The following SENP7 variants were observed in gnomAD, a reference collection of about 807,000 sequenced individuals.
SENP7 encodes SUMO specific peptidase 7, also known as sentrin-specific protease 7.
In SENP7, 64 loss-of-function variants were observed where a neutral mutation model predicts 141.2. The observed-to-expected ratio is 0.45, with a 90% CI of 0.37 to 0.56. The LOEUF (loss-of-function observed/expected upper bound fraction) is 0.56. SENP7 is among the 20% of genes least tolerant of loss of function. The probability of loss-of-function intolerance (pLI) is 0.00; values close to 1 mark genes in which losing one functional copy is unlikely to be tolerated. For missense variants in SENP7, 1,025 were observed against 1,212.2 expected (o/e 0.85, Z 2.29); for synonymous variants, 382 against 426.4 (o/e 0.90, Z 1.28).
At position 101,332,755 on chromosome 3, in the gene SENP7, A is replaced by C; in HGVS notation, c.2573+15T>G. On this transcript the variant is annotated intron_variant, in intron 18 of 23. Transcript: ENST00000394095. Reference sequence around the variant, plus strand: ...ATTCTTTCCAATATGTTCTTAAATAATCTGAAATACTTACGACTCATTTAC... The same window carrying C: ...ATTCTTTCCAATATGTTCTTAAATACTCTGAAATACTTACGACTCATTTAC... The C allele has an allele frequency of 6.9e-7, 1 of 1,456,826 alleles. No individual in the cohort carries two copies. Among genetic ancestry groups the C allele is most frequent in the Non-Finnish European group, 9.1e-7 (1 of 1,103,414 alleles). The allele number at this position is 1,456,826 out of a possible 1,614,324, so 90.2% of individuals were successfully genotyped here. A position where few individuals can be genotyped will look rare whatever the true frequency, so the allele number is the denominator to read the frequency against.
chr3:101,399,391 C>T (rs2061066399), intron 5 of SENP7, among the ~76,000 whole-genome samples: 1 of 152,204 alleles, frequency 6.6e-6, no homozygotes, highest in African/African-American at 2.4e-5. Flanking sequence ...ATTAAAAACA[C>T]AGCTTACTAC....
chr3:101,380,187 T>A (rs566220890), intron 6 of SENP7, among the ~76,000 whole-genome samples: 1 of 152,006 alleles, frequency 6.6e-6, no homozygotes, highest in East Asian at 1.9e-4. Flanking sequence ...GAATGAGGAG[T>A]TCCTGTTTCA....
chr3:101,406,898 G>A (rs1459168774), intron 5 of SENP7, among the ~76,000 whole-genome samples: 1 of 152,164 alleles, frequency 6.6e-6, no homozygotes, highest in African/African-American at 2.4e-5. Context: ...AAGCTAGAAG[G>A]GACTGGAGCC....
At chr3:101,353,447 T>G (rs992665313) in intron 11 of SENP7, among the ~76,000 whole-genome samples, 6 of 151,972 alleles carry the variant, frequency 3.9e-5, no homozygotes, top group Non-Finnish European at 7.4e-5. Flanking sequence ...TTTATCCCTC[T>G]GAATAATGAC....
At chr3:101,429,596 C>T (rs1330854566) in intron 4 of SENP7, among the ~76,000 whole-genome samples, 6 of 152,144 alleles carry the variant, frequency 3.9e-5, no homozygotes, top group Admixed American at 6.5e-5. Flanking sequence ...TGGGCTGAGA[C>T]GATGGGGTTT....
chr3:101,463,380 T>TATATATATATATATACAC (rs1553744720), intron 3 of SENP7, among the ~76,000 whole-genome samples: 92 of 72,110 alleles, frequency 1.3e-3, no homozygotes, highest in Non-Finnish European at 1.5e-3. Flanking sequence ...TATATATATA[T>TATATATATATATATACAC]ATATATATAT....
At chr3:101,343,021 A>T (rs2059367458) in intron 14 of SENP7, among the ~76,000 whole-genome samples, 1 of 152,014 alleles carries the variant, frequency 6.6e-6, no homozygotes, top group Non-Finnish European at 1.5e-5. Flanking sequence ...GACTTGTCTC[A>T]TTTTTCTCAT....
At chr3:101,492,472 T>C (rs1220472874) in intron 3 of SENP7, among the ~76,000 whole-genome samples, 1 of 152,192 alleles carries the variant, frequency 6.6e-6, no homozygotes, top group Non-Finnish European at 1.5e-5. Context: ...AAATAAATGC[T>C]ACAGTTATGG....
intron 22 of SENP7, 63 bp downstream of exon 22, chr3:101,328,415 G>T: frequency 8.8e-7 from 1 of 1,134,524 alleles, no homozygotes; most frequent in Non-Finnish European, 1.3e-6. Context: ...AATTCTGAAG[G>T]TAACTTCAAA....
At chr3:101,451,867 A>G (rs1435226076) in intron 4 of SENP7, among the ~76,000 whole-genome samples, 1 of 152,180 alleles carries the variant, frequency 6.6e-6, no homozygotes, top group African/African-American at 2.4e-5. Flanking sequence ...GGCCAGGGCA[A>G]TCAGGCAAGA....
At chr3:101,363,454 C>T (rs567604989) in intron 10 of SENP7, among the ~76,000 whole-genome samples, 35 of 150,840 alleles carry the variant, frequency 2.3e-4, no homozygotes, top group Middle Eastern at 3.4e-3. Flanking sequence ...TGTAGATCTC[C>T]ACAGTATTGG....
At position 101,343,761 on chromosome 3, in the gene SENP7, A is replaced by G; in HGVS notation, c.2031T>C (p.Tyr677=). 6.2e-7 allele frequency: 1 copy of G among 1,613,940 alleles called. No individual in the cohort carries two copies. The highest frequency in any genetic ancestry group is 1.1e-5 in the South Asian group (1 of 91,076). ...GGAAAGAACAAGTTGAAACACAGTA[A>G]TAATGAATAAAAGAACTTTCTTTTG... ...LSSKESSFIH[Y]YCVSTCSFPA... Residue 677 remains tyrosine (Y), a synonymous_variant, in exon 14 of 24, where the codon TAT becomes TAC. Coordinates refer to ENST00000394095, the MANE Select transcript of SENP7 (RefSeq NM_020654.5).
At chr3:101,479,347 G>A (rs1214340319) in intron 3 of SENP7, among the ~76,000 whole-genome samples, 1 of 152,152 alleles carries the variant, frequency 6.6e-6, no homozygotes, top group African/African-American at 2.4e-5. Context: ...GGGTGCAGTG[G>A]CTCACGCCTG....
intron 17 of SENP7, 194 bp from the exon 18 acceptor site, chr3:101,333,056 A>G: frequency 1.9e-6 from 1 of 539,686 alleles, no homozygotes; most frequent in Non-Finnish European, 3.0e-6. Context: ...ATAACTATAA[A>G]CAATAATGAA....
chr3:101,438,573 G>A (rs529334395), intron 4 of SENP7, among the ~76,000 whole-genome samples: 4 of 152,198 alleles, frequency 2.6e-5, no homozygotes, highest in South Asian at 2.1e-4. Context: ...TAAAATTTAT[G>A]TTAAGTGTAT....
chr3:101,446,316 T>G (rs1204431596), intron 4 of SENP7, among the ~76,000 whole-genome samples: 1 of 152,186 alleles, frequency 6.6e-6, no homozygotes, highest in Non-Finnish European at 1.5e-5. Context: ...AGGTAGTTCT[T>G]TATAGCAATG....
intron 6 of SENP7, among the ~76,000 whole-genome samples, chr3:101,391,451 T>C (rs56178371): frequency 0.024 from 3,604 of 151,430 alleles, 143 homozygotes; most frequent in African/African-American, 0.082. Context: ...TTAGAGGATA[T>C]TATGAACAAG....
At position 101,339,994 on chromosome 3, in the gene SENP7, A is replaced by G; in HGVS notation, c.2357+101T>C. 2.9e-6 allele frequency: 4 copies of G among 1,384,432 alleles called. No individual in the cohort carries two copies. In the South Asian group the frequency reaches 5.2e-5, roughly 18 times the overall value. 85.8% of individuals were successfully genotyped at this position (1,384,432 alleles called of 1,614,324 possible). A position where few individuals can be genotyped will look rare whatever the true frequency, so the allele number is the denominator to read the frequency against. On this transcript the variant is annotated intron_variant, in intron 16 of 23. Transcript: ENST00000394095. ...TCCAAATCTGAAATCTTGGCAGGCT[A>G]CTTTTAACAGAATTTAAAATAATTC...
At chr3:101,434,771 GTAA>G (rs1300736985) in intron 4 of SENP7, among the ~76,000 whole-genome samples, 2 of 152,054 alleles carry the variant, frequency 1.3e-5, no homozygotes, top group Non-Finnish European at 2.9e-5. Flanking sequence ...GATCAAAGCT[GTAA>G]TTAAAAGTCT....
Sources: allele counts gnomAD v4.1 joint callset (sites outside exome capture counted in the v4.1 genomes callset), GRCh38; gene constraint gnomAD v4.1.1; transcripts MANE v1.5; gene names NCBI Gene and HGNC (gene_info 2026-07-23, HGNC 2026-07-21).